CORIN: variants seen among roughly 807,000 people sequenced by gnomAD.
The protein encoded by CORIN is atrial natriuretic peptide-converting enzyme.
Under a neutral mutation model 125.3 loss-of-function variants are expected in CORIN, and 117 were observed. The ratio of observed to expected loss-of-function variants is 0.93; its 90% CI spans 0.80 to 1.09. The LOEUF (loss-of-function observed/expected upper bound fraction) is 1.09, where lower values mean the gene tolerates loss of function less well. Ranked by LOEUF, CORIN falls within the 50% of genes least tolerant of loss-of-function variation. The pLI is 0.00. For missense variants in CORIN, 1,253 were observed against 1,306.7 expected (o/e 0.96, Z 0.63); for synonymous variants, 450 against 466.4 (o/e 0.96, Z 0.45).
chr4:47,758,789 A>C (rs776225022), intron 4 of CORIN, among the ~76,000 whole-genome samples: 2 of 152,168 alleles, frequency 1.3e-5, no homozygotes, highest in Non-Finnish European at 2.9e-5. Flanking sequence ...TTTGCTCCGC[A>C]CTTCTCCTTC....
At chr4:47,830,591 A>G (rs1577959703) in intron 1 of CORIN, among the ~76,000 whole-genome samples, 1 of 152,164 alleles carries the variant, frequency 6.6e-6, no homozygotes, top group Non-Finnish European at 1.5e-5. Flanking sequence ...TGTCACATAA[A>G]TGTTTGTTAA....
chr4:47,645,190 A>G lies in CORIN; in HGVS notation c.1848T>C (p.Cys616=), dbSNP rs542013067. The G allele has an allele frequency of 8.0e-5, 125 of 1,563,970 alleles. No homozygotes were observed. In the South Asian group the frequency reaches 1.3e-3, roughly 16 times the overall value. Residue 616 remains cysteine (C), a synonymous_variant, in exon 14 of 22, where the codon TGT becomes TGC. Transcript: ENST00000273857. Reference sequence around the variant, plus strand: ...GACATTCCCAAAGATCTCTCTCTTTACAACCTAGAGACAGAAGAAAAGGTT... The same window carrying G: ...GACATTCCCAAAGATCTCTCTCTTTGCAACCTAGAGACAGAAGAAAAGGTT... ...DDDSDEENCG[C]KERDLWECPS...
In CORIN at chr4:47,786,783, G is replaced by A. The variant is rs761189958; in HGVS notation, c.351C>T (p.His117=). ...TVVSTAHPDQ[H]VPAWTTDASL... ...AAGCATCCGTAGTCCAGGCTGGAACGTGTTGGTCGGGATGTGCAGTAGACA... is the reference window on the plus strand; with the variant it reads ...AAGCATCCGTAGTCCAGGCTGGAACATGTTGGTCGGGATGTGCAGTAGACA... Residue 117 remains histidine, a synonymous_variant, in exon 3 of 22, where the codon CAC becomes CAT. Transcript: ENST00000273857. The A allele has an allele frequency of 1.8e-5, 29 of 1,614,038 alleles. No homozygotes were observed. In the Admixed American group the frequency reaches 3.8e-4, roughly 21 times the overall value.
intron 13 of CORIN, among the ~76,000 whole-genome samples, chr4:47,648,884 G>T (rs1390374539): frequency 1.3e-5 from 2 of 152,160 alleles, no homozygotes; most frequent in African/African-American, 4.8e-5. Flanking sequence ...AGGAGCTGTA[G>T]CAGCCAGAGT....
intron 19 of CORIN, among the ~76,000 whole-genome samples, chr4:47,622,943 C>G (rs1447222719): frequency 3.3e-5 from 5 of 152,028 alleles, no homozygotes; most frequent in African/African-American, 4.8e-5. Context: ...CAATCCAGTT[C>G]AATTAAGTTC....
intron 3 of CORIN, among the ~76,000 whole-genome samples, chr4:47,764,707 G>A (rs1433806462): frequency 6.6e-6 from 1 of 152,152 alleles, no homozygotes; most frequent in Admixed American, 6.5e-5. Context: ...TAGAGCTAAT[G>A]TAGAGGGTTA....
chr4:47,728,302 T>C (rs751507193), intron 5 of CORIN, among the ~76,000 whole-genome samples: 1 of 152,176 alleles, frequency 6.6e-6, no homozygotes, highest in Non-Finnish European at 1.5e-5. Flanking sequence ...AAGAACTGAT[T>C]AAGCTTAAAG....
intron 2 of CORIN, among the ~76,000 whole-genome samples, chr4:47,802,303 G>C (rs1379344036): frequency 2.0e-5 from 3 of 152,172 alleles, no homozygotes; most frequent in Non-Finnish European, 2.9e-5. Flanking sequence ...CACCAACCAG[G>C]CTCTTAGGGT....
rs150911008 is a variant in CORIN at position 47,781,940 on chromosome 4, A to G, written c.409+4785T>C. On this transcript the variant is annotated intron_variant, in intron 3 of 21. Coordinates refer to ENST00000273857, the MANE Select transcript of CORIN (RefSeq NM_006587.4). ...GCAACAGAGCAAGACTCCATCTCAA[A>G]AAAAGAAAAATAAATCAAAAATGGT... 4.1e-3 allele frequency among the ~76,000 whole-genome samples: 602 copies of G among 148,376 alleles called. 4 individuals carry two copies. The highest frequency in any genetic ancestry group is 0.014 in the African/African-American group (562 of 40,362).
chr4:47,672,437 TAGTA>T (rs1016976832), intron 10 of CORIN, among the ~76,000 whole-genome samples: 8 of 152,194 alleles, frequency 5.3e-5, no homozygotes, highest in Admixed American at 2.0e-4. Context: ...TTGAGTCTAA[TAGTA>T]AGTGTCATTC....
chr4:47,623,623 A>G lies in CORIN; in HGVS notation c.2488T>C (p.Cys830Arg). 6.2e-7 allele frequency: 1 copy of G among 1,614,222 alleles called. No individual in the cohort carries two copies. The highest frequency in any genetic ancestry group is 8.5e-7 in the Non-Finnish European group (1 of 1,180,026). ...QSEPSGHICG[C>R]VLIAKKWVLT... ...ACCCACTTCTTGGCAATGAGGACAC[A>G]GCCACAGATATGTCCACTGGGTTCA... is the stretch of plus-strand genomic sequence containing the variant. The change falls in exon 19 of 22, where the codon TGT becomes CGT. Residue 830 changes from cysteine (C) to arginine (R), a missense_variant. Cys to Arg is a radical substitution (Grantham distance 180). Coordinates refer to ENST00000273857, the MANE Select transcript of CORIN (RefSeq NM_006587.4).
At chr4:47,604,033 T>A (rs750728342) in intron 19 of CORIN, among the ~76,000 whole-genome samples, 4 of 152,120 alleles carry the variant, frequency 2.6e-5, no homozygotes, top group Non-Finnish European at 5.9e-5. Context: ...GACTAAGAGA[T>A]TCCTCCAAGA....
At chr4:47,726,237 C>T (rs928850310) in intron 5 of CORIN, among the ~76,000 whole-genome samples, 1 of 151,902 alleles carries the variant, frequency 6.6e-6, no homozygotes, top group African/African-American at 2.4e-5. Flanking sequence ...GAGAAATTTG[C>T]CTATAAAAAC....
At chr4:47,607,161 C>T (rs1721680615) in intron 19 of CORIN, among the ~76,000 whole-genome samples, 1 of 152,186 alleles carries the variant, frequency 6.6e-6, no homozygotes, top group Non-Finnish European at 1.5e-5. Context: ...ACATAAGCTA[C>T]TGGCCTTATG....
intron 12 of CORIN, 117 bp downstream of exon 12, chr4:47,661,594 G>C: frequency 1.0e-6 from 1 of 982,002 alleles, no homozygotes; most frequent in Non-Finnish European, 1.5e-6. Flanking sequence ...TAAGCAGCCT[G>C]ATTGGAAACT....
intron 20 of CORIN, among the ~76,000 whole-genome samples, chr4:47,602,609 G>C (rs1321968610): frequency 6.6e-6 from 1 of 152,056 alleles, no homozygotes; most frequent in Non-Finnish European, 1.5e-5. Context: ...GATAGAGAGA[G>C]TCCAAAGCAC....
rs562274722 is a variant in CORIN at position 47,672,790 on chromosome 4, G to T, written c.1357+1603C>A. The stretch of plus-strand genomic sequence containing the variant: ...CTAATATCTACTGTTCTCTCATATG[G>T]GAAATGGAGGAGGGGTGGGCATGTG... On this transcript the variant is annotated intron_variant, in intron 10 of 21. Transcript: ENST00000273857. 5.3e-5 allele frequency among the ~76,000 whole-genome samples: 8 copies of T among 152,118 alleles called. No individual in the cohort carries two copies. The South Asian group carries it at 1.7e-3, about 32-fold the overall frequency.
chr4:47,669,306 C>A (rs924352704), intron 10 of CORIN, among the ~76,000 whole-genome samples: 1 of 152,084 alleles, frequency 6.6e-6, no homozygotes, highest in Non-Finnish European at 1.5e-5. Context: ...ATGTATTAAG[C>A]GATGGTCATT....
intron 11 of CORIN, among the ~76,000 whole-genome samples, chr4:47,662,470 G>T (rs1724293953): frequency 6.6e-6 from 1 of 152,078 alleles, no homozygotes; most frequent in Non-Finnish European, 1.5e-5. Context: ...ATTGTATCAG[G>T]TGCTTTCGTG....
Sources: allele counts gnomAD v4.1 joint callset (sites outside exome capture counted in the v4.1 genomes callset), GRCh38; gene constraint gnomAD v4.1.1; transcripts MANE v1.5; gene names NCBI Gene and HGNC (gene_info 2026-07-23, HGNC 2026-07-21).